Variants in YAE1 observed in about 807,000 individuals in gnomAD.
YAE1 encodes YAE1 maturation factor of ABCE1.
In YAE1, 22 loss-of-function variants were observed where a neutral mutation model predicts 23.0. The observed-to-expected ratio is 0.96, with a 90% confidence interval of 0.68 to 1.37. The LOEUF (loss-of-function observed/expected upper bound fraction) is 1.37, where lower values mean the gene tolerates loss of function less well. Ranked by LOEUF, YAE1 falls within the 40% of genes most tolerant of loss-of-function variation. The pLI is 0.00. For synonymous variants in YAE1, 101 were observed against 97.0 expected (o/e 1.04, Z -0.24); for missense variants, 260 against 262.1 (o/e 0.99, Z 0.06).
chr7:39,572,649 T>C lies in YAE1; in HGVS notation c.624T>C (p.Ser208=). The change falls in exon 3 of 3, where the codon AGT becomes AGC. Residue 208 remains serine (S), a synonymous_variant. Coordinates refer to ENST00000223273, the MANE Select transcript of YAE1 (RefSeq NM_020192.5). ...CATGGATTTTGGAACAGACAGCCAG[T>C]TTAGTTAAACAGCTGGGCCTATCAG... The part of the protein sequence containing the change: ...SPTWILEQTA[S]LVKQLGLSVD... The C allele has an allele frequency of 6.2e-7, 1 of 1,613,472 alleles. No homozygotes were observed. The highest frequency in any genetic ancestry group is 8.5e-7 in the Non-Finnish European group (1 of 1,179,772).
chr7:39,594,711 C>G (rs1014253641), intron 2 of YAE1, among the ~76,000 whole-genome samples: 2 of 152,040 alleles, frequency 1.3e-5, no homozygotes, highest in African/African-American at 2.4e-5. Flanking sequence ...TCTCCCTCCT[C>G]AGCCTTCCAA....
intron 2 of YAE1, among the ~76,000 whole-genome samples, chr7:39,608,758 T>C (rs1791164450): frequency 6.6e-6 from 1 of 152,226 alleles, no homozygotes; most frequent in South Asian, 2.1e-4. Context: ...TAACTACTGA[T>C]AAGGGATCCA....
At chr7:39,592,940 A>G (rs967745122) in intron 2 of YAE1, among the ~76,000 whole-genome samples, 1 of 151,708 alleles carries the variant, frequency 6.6e-6, no homozygotes, top group South Asian at 2.1e-4. Context: ...CTCTACTGGG[A>G]CTCCAGTTAC....
At chr7:39,586,285 G>T (rs557456647) in intron 2 of YAE1, among the ~76,000 whole-genome samples, 1 of 150,536 alleles carries the variant, frequency 6.6e-6, no homozygotes, top group Non-Finnish European at 1.5e-5. Flanking sequence ...CCATTCTCCT[G>T]CCTCAGTCTC....
intron 2 of YAE1, 112 bp downstream of exon 2, chr7:39,570,739 T>A: frequency 1.5e-6 from 2 of 1,344,884 alleles, no homozygotes; most frequent in Non-Finnish European, 2.0e-6. Context: ...CTAAATACAC[T>A]AAAGCGTGTC....
Position 39,596,563 on chromosome 7 carries a change from C to T in YAE1, c.252-13054C>T, listed in dbSNP as rs865813356. On this transcript the variant is annotated intron_variant, in intron 2 of 2. Transcript: ENST00000432096. Reference sequence around the variant, plus strand: ...TAAGTCACTTCCAATAATAATTATTCCTCATTATGTAGCTTAAATGTTTAC... The same window carrying T: ...TAAGTCACTTCCAATAATAATTATTTCTCATTATGTAGCTTAAATGTTTAC... Among the ~76,000 whole-genome samples, 12 of 152,216 alleles carry T rather than the reference C, an allele frequency of 7.9e-5. No homozygotes were observed. The South Asian group carries it at 1.2e-3, about 16-fold the overall frequency.
intron 1 of YAE1, 108 bp from the exon 2 acceptor site, chr7:39,570,398 C>A: frequency 1.5e-6 from 2 of 1,303,178 alleles, no homozygotes; most frequent in Non-Finnish European, 2.1e-6. Flanking sequence ...GTCAGTAACA[C>A]AGTAAAGGCC....
Position 39,570,585 on chromosome 7 carries a change from C to T in YAE1, c.209C>T (p.Ala70Val). 6.2e-7 allele frequency: 1 copy of T among 1,607,486 alleles called. No individual in the cohort carries two copies. The highest frequency in any genetic ancestry group is 1.3e-5 in the African/African-American group (1 of 74,452). Residue 70 changes from alanine (A) to valine (V), a missense_variant, in exon 2 of 3, where the codon GCA becomes GTA. Physicochemically the swap from Ala to Val is moderately conservative, Grantham distance 64. Coordinates refer to ENST00000223273, the MANE Select transcript of YAE1 (RefSeq NM_020192.5). ...TTCAATCAAGGTTATAAGAAAGGTG[C>T]AGAAGTCATTTTAAACTATGGACGA... ...QGFNQGYKKG[A>V]EVILNYGRLR...
chr7:39,593,107 A>G (rs1056307215), intron 2 of YAE1, among the ~76,000 whole-genome samples: 2 of 148,926 alleles, frequency 1.3e-5, no homozygotes, highest in African/African-American at 2.5e-5. Context: ...TCTACAGTTA[A>G]GCCTATCTAG....
At chr7:39,573,132 C>A (rs978151776), downstream of YAE1, among the ~76,000 whole-genome samples, 6 of 151,938 alleles carry the variant, frequency 3.9e-5, no homozygotes, top group African/African-American at 1.5e-4. Context: ...GACACACAGA[C>A]AGATATATAG....
intron 2 of YAE1, among the ~76,000 whole-genome samples, chr7:39,572,003 C>T (rs1790575042): frequency 1.3e-5 from 2 of 152,022 alleles, no homozygotes; most frequent in Non-Finnish European, 2.9e-5. Flanking sequence ...AATGTGCATC[C>T]ATGATTGAGA....
chr7:39,571,192 G>C (rs1790557939), intron 2 of YAE1, among the ~76,000 whole-genome samples: 1 of 151,726 alleles, frequency 6.6e-6, no homozygotes, highest in Non-Finnish European at 1.5e-5. Context: ...GGACGGCTTT[G>C]AATATGGCCC....
intron 2 of YAE1, among the ~76,000 whole-genome samples, chr7:39,598,633 C>T (rs551446252): frequency 1.3e-5 from 2 of 151,268 alleles, no homozygotes; most frequent in South Asian, 2.1e-4. Flanking sequence ...AAAAATTAGC[C>T]GGGTGTGGTG....
downstream of YAE1, among the ~76,000 whole-genome samples, chr7:39,610,666 G>A (rs1408659451): frequency 6.6e-6 from 1 of 152,138 alleles, no homozygotes; most frequent in Non-Finnish European, 1.5e-5. Context: ...GGTTTGTATT[G>A]TGCAAATTTT....
At chr7:39,592,277 C>T (rs1230641250) in intron 2 of YAE1, among the ~76,000 whole-genome samples, 2 of 151,346 alleles carry the variant, frequency 1.3e-5, no homozygotes, top group Non-Finnish European at 2.9e-5. Flanking sequence ...CAGAGTTGCT[C>T]TACCATTTTG....
intron 2 of YAE1, chr7:39,609,544 G>A (rs1296958995): frequency 1.3e-6 from 2 of 1,488,604 alleles, no homozygotes; most frequent in Admixed American, 4.2e-5. Flanking sequence ...ATCGAATTGG[G>A]AGAATGGGGA....
At chr7:39,577,216 A>G (rs1366452455), downstream of YAE1, among the ~76,000 whole-genome samples, 2 of 152,240 alleles carry the variant, frequency 1.3e-5, no homozygotes, top group East Asian at 3.8e-4. Flanking sequence ...TTTCTAAAAA[A>G]TGTTTATCTT....
chr7:39,572,214 AAGAT>A (rs1351779853), intron 2 of YAE1, 59 bp from the exon 3 acceptor site: 13 of 1,466,174 alleles, frequency 8.9e-6, no homozygotes, highest in Middle Eastern at 4.3e-4. Flanking sequence ...TTGTTATTGA[AAGAT>A]AGTCTTATAT....
At chr7:39,609,694 G>A in exon 3 of YAE1, 1 of 1,535,612 alleles carries the variant, frequency 6.5e-7, no homozygotes, top group African/African-American at 1.4e-5. Context: ...CTACTGCCGC[G>A]TCCCCTCCCG....
Sources: gnomAD v4.1 joint callset for allele counts (sites outside exome capture counted in the v4.1 genomes callset) on GRCh38, gnomAD v4.1.1 for gene constraint, MANE v1.5 for transcripts, NCBI Gene and HGNC (gene_info 2026-07-23, HGNC 2026-07-21) for gene names.